The following ST6GALNAC3 variants were observed in gnomAD, a reference collection of about 807,000 sequenced individuals.
ST6GALNAC3 encodes alpha-N-acetylgalactosaminide alpha-2,6-sialyltransferase 3.
In ST6GALNAC3, 25 loss-of-function variants were observed where a neutral mutation model predicts 32.7. The observed-to-expected ratio is 0.76, with a 90% CI of 0.56 to 1.07. The LOEUF (loss-of-function observed/expected upper bound fraction) is 1.07, where lower values mean the gene tolerates loss of function less well. ST6GALNAC3 is among the 50% of genes least tolerant of loss of function. The probability of loss-of-function intolerance (pLI) is 0.00; values close to 1 mark genes in which losing one functional copy is unlikely to be tolerated. For missense variants in ST6GALNAC3, 355 were observed against 382.4 expected (o/e 0.93, Z 0.60); for synonymous variants, 129 against 133.1 (o/e 0.97, Z 0.21).
chr1:76,474,765 G>A (rs749278961), intron 3 of ST6GALNAC3, among the ~76,000 whole-genome samples: 16 of 152,132 alleles, frequency 1.1e-4, no homozygotes, highest in South Asian at 2.1e-4. Context: ...AAGAGAAGGC[G>A]GAAGAGAGAA....
chr1:76,474,905 G>A (rs764433665), intron 3 of ST6GALNAC3, among the ~76,000 whole-genome samples: 21 of 152,084 alleles, frequency 1.4e-4, no homozygotes, highest in Non-Finnish European at 2.6e-4. Flanking sequence ...CAACATACAC[G>A]CTCAACTAAA....
rs533694249 is a variant in ST6GALNAC3 at position 76,135,834 on chromosome 1, A to G, written c.18+60950A>G. Among the ~76,000 whole-genome samples the G allele has an allele frequency of 3.3e-5, 5 of 152,238 alleles. No homozygotes were observed. The South Asian group carries it at 1.0e-3, about 32-fold the overall frequency. On this transcript the variant is annotated intron_variant, in intron 1 of 4. Coordinates refer to ENST00000328299, the MANE Select transcript of ST6GALNAC3 (RefSeq NM_152996.4). ...ACCCATGCGGCTCTCCTATACTCTT[A>G]GGTGTACATTATTGATTCCAGGAGT... is the stretch of plus-strand genomic sequence containing the variant.
At chr1:76,205,946 T>G (rs908021860) in intron 1 of ST6GALNAC3, among the ~76,000 whole-genome samples, 2 of 152,274 alleles carry the variant, frequency 1.3e-5, no homozygotes, top group African/African-American at 4.8e-5. Flanking sequence ...AGCACTGTTA[T>G]ATCCTCCCAA....
intron 3 of ST6GALNAC3, among the ~76,000 whole-genome samples, chr1:76,444,752 T>C (rs1421394449): frequency 3.9e-5 from 6 of 152,076 alleles, no homozygotes; most frequent in Admixed American, 3.9e-4. Flanking sequence ...AAGAGTAACA[T>C]TAAGGAACCC....
At chr1:76,086,354 C>T (rs1348222625) in intron 1 of ST6GALNAC3, among the ~76,000 whole-genome samples, 2 of 151,970 alleles carry the variant, frequency 1.3e-5, no homozygotes, top group Non-Finnish European at 2.9e-5. Context: ...TGGTGAAAGA[C>T]GATAGTTTTT....
At chr1:76,533,823 A>G (rs1478472532) in intron 3 of ST6GALNAC3, among the ~76,000 whole-genome samples, 5 of 152,160 alleles carry the variant, frequency 3.3e-5, no homozygotes, top group African/African-American at 1.2e-4. Flanking sequence ...TGAGGACCCT[A>G]ACCTTATTCT....
At chr1:76,495,227 A>G (rs1247670391) in intron 3 of ST6GALNAC3, among the ~76,000 whole-genome samples, 1 of 152,152 alleles carries the variant, frequency 6.6e-6, no homozygotes, top group African/African-American at 2.4e-5. Flanking sequence ...ACATGTACAT[A>G]CTGTGTGTAT....
chr1:76,411,199 G>GA (rs1201226480), intron 2 of ST6GALNAC3, among the ~76,000 whole-genome samples: 1 of 152,150 alleles, frequency 6.6e-6, no homozygotes, highest in Non-Finnish European at 1.5e-5. Context: ...AGTGGGCTTA[G>GA]AGTTAGACGA....
intron 3 of ST6GALNAC3, among the ~76,000 whole-genome samples, chr1:76,475,320 A>G (rs1321407188): frequency 6.6e-6 from 1 of 152,196 alleles, no homozygotes; most frequent in Non-Finnish European, 1.5e-5. Context: ...CCCTGGATAC[A>G]ATATCAACTC....
intron 2 of ST6GALNAC3, among the ~76,000 whole-genome samples, chr1:76,328,971 A>G (rs1647134432): frequency 6.6e-6 from 1 of 152,088 alleles, no homozygotes; most frequent in Non-Finnish European, 1.5e-5. Flanking sequence ...TCTGTGGTCA[A>G]TTTGCTTATT....
chr1:76,217,884 A>G (rs1039611368), intron 1 of ST6GALNAC3, among the ~76,000 whole-genome samples: 1 of 152,114 alleles, frequency 6.6e-6, no homozygotes, highest in Non-Finnish European at 1.5e-5. Context: ...TCTATGGTAT[A>G]TATATACCAC....
intron 3 of ST6GALNAC3, among the ~76,000 whole-genome samples, chr1:76,603,759 A>G (rs571533763): frequency 1.3e-5 from 2 of 152,294 alleles, no homozygotes; most frequent in Non-Finnish European, 2.9e-5. Context: ...TACAGCCTGG[A>G]ACTCCTGAGC....
At chr1:76,387,967 G>T (rs565416149) in intron 2 of ST6GALNAC3, among the ~76,000 whole-genome samples, 2 of 152,044 alleles carry the variant, frequency 1.3e-5, no homozygotes, top group African/African-American at 2.4e-5. Flanking sequence ...GTGAGTCTCC[G>T]GTGGACTCTG....
At chr1:76,226,978 A>T (rs764845931) in intron 1 of ST6GALNAC3, among the ~76,000 whole-genome samples, 16 of 152,220 alleles carry the variant, frequency 1.1e-4, no homozygotes, top group Non-Finnish European at 2.1e-4. Context: ...ACTGGCTTTC[A>T]TGATAAAAAG....
chr1:76,200,184 T>C (rs1654439186), intron 1 of ST6GALNAC3, among the ~76,000 whole-genome samples: 1 of 152,222 alleles, frequency 6.6e-6, no homozygotes, highest in African/African-American at 2.4e-5. Context: ...CAAGTTATTC[T>C]GATCAGCACC....
At chr1:76,241,875 A>C (rs189398700) in intron 1 of ST6GALNAC3, among the ~76,000 whole-genome samples, 3 of 152,342 alleles carry the variant, frequency 2.0e-5, no homozygotes, top group Admixed American at 2.0e-4. Context: ...TGTGTGACTC[A>C]CATTACATTT....
At chr1:76,448,659 T>C (rs1157837530) in intron 3 of ST6GALNAC3, among the ~76,000 whole-genome samples, 1 of 152,096 alleles carries the variant, frequency 6.6e-6, no homozygotes, top group African/African-American at 2.4e-5. Flanking sequence ...AGTAAATAAG[T>C]CTCACAAGAC....
chr1:76,251,610 G>T (rs180816269), intron 1 of ST6GALNAC3, among the ~76,000 whole-genome samples: 1 of 152,106 alleles, frequency 6.6e-6, no homozygotes, highest in Admixed American at 6.5e-5. Context: ...CATTCTATAA[G>T]TTCCCCAATC....
Position 76,482,139 on chromosome 1 carries a change from T to TACACACACAC in ST6GALNAC3, c.623+69742_623+69751dup, listed in dbSNP as rs368648490. 9.7e-4 allele frequency among the ~76,000 whole-genome samples: 143 copies of TACACACACAC among 147,126 alleles called. 1 individual carries two copies. Among genetic ancestry groups the TACACACACAC allele is most frequent in the Middle Eastern group, 3.5e-3 (1 of 286 alleles). On this transcript the variant is annotated intron_variant, in intron 3 of 4. Transcript: ENST00000328299. ...AAAGAGAATTTTAACAAATTTTCTT[T>TACACACACAC]ACACACACACACACACACACACACA...
Sources: allele counts gnomAD v4.1 joint callset (sites outside exome capture counted in the v4.1 genomes callset), GRCh38; gene constraint gnomAD v4.1.1; transcripts MANE v1.5; gene names NCBI Gene and HGNC (gene_info 2026-07-23, HGNC 2026-07-21).